The following PHACTR2 variants were observed in gnomAD, a reference collection of about 807,000 sequenced individuals.
PHACTR2 encodes the protein chromosome 6 open reading frame 56.
Under a neutral mutation model 76.0 loss-of-function variants are expected in PHACTR2, and 30 were observed. That is an observed-to-expected ratio of 0.39 (90% CI 0.30 to 0.54). PHACTR2 has a LOEUF of 0.54. Ranked by LOEUF, PHACTR2 falls within the 20% of genes least tolerant of loss-of-function variation. PHACTR2 has a pLI of 0.61. For missense variants in PHACTR2, 696 were observed against 781.1 expected, an observed-to-expected ratio of 0.89 and a Z score of 1.30; for synonymous variants, 292 against 292.5, an observed-to-expected ratio of 1.00 and a Z score of 0.02.
At position 143,777,494 on chromosome 6, in the gene PHACTR2, G is replaced by A. The variant is rs1775310964; in HGVS notation, c.1645+111G>A. The A allele has an allele frequency of 4.2e-6, 2 of 476,950 alleles. No homozygotes were observed. Among genetic ancestry groups the A allele is most frequent in the East Asian group, 3.4e-5 (1 of 29,230 alleles). The allele number at this position is 476,950 out of a possible 1,614,324, so 29.5% of individuals were successfully genotyped here. A position where few individuals can be genotyped will look rare whatever the true frequency, so the allele number is the denominator to read the frequency against. On this transcript the variant is annotated intron_variant, in intron 9 of 12. Transcript: ENST00000440869. The surrounding 1 kb of genome is among the most constrained non-coding windows in gnomAD (Gnocchi z 4.6). ...ATCATATATTCATTTACTCAAGATG[G>A]ACTGAAATAGTCCATTTATGTCACA...
Position 143,571,403 on chromosome 6 carries a change from C to T in PHACTR2, c.217+34196C>T, listed in dbSNP as rs1222064763. Among the ~76,000 whole-genome samples the T allele has an allele frequency of 2.0e-5, 3 of 152,030 alleles. No homozygotes were observed. The highest frequency in any genetic ancestry group is 2.1e-4 in the South Asian group (1 of 4,818). On this transcript the variant is annotated intron_variant, in intron 1 of 11. Coordinates refer to the PHACTR2 transcript ENST00000367584. This position sits in a 1 kb window ranked among gnomAD's most constrained non-coding sequence, Gnocchi z 4.6. ...ATTTCCTTTATCCTATAATCCATTACTATCTACTTTATTTCTTTTTTTAGA... is the reference window on the plus strand; with the variant it reads ...ATTTCCTTTATCCTATAATCCATTATTATCTACTTTATTTCTTTTTTTAGA...
Position 143,696,187 on chromosome 6 carries a change from G to A in PHACTR2, c.47-15829G>A, listed in dbSNP as rs1215677429. Among the ~76,000 whole-genome samples, 3 of 152,050 alleles carry A rather than the reference G, an allele frequency of 2.0e-5. No homozygotes were observed. The highest frequency in any genetic ancestry group is 7.2e-5 in the African/African-American group (3 of 41,388). Reference sequence around the variant, plus strand: ...TTGCTTAGTTTCTTTCCTTAATCCAGGGCATTTCTGCTATAGAGTAGTGGG... The same window carrying A: ...TTGCTTAGTTTCTTTCCTTAATCCAAGGCATTTCTGCTATAGAGTAGTGGG... On this transcript the variant is annotated intron_variant, in intron 1 of 12. Transcript: ENST00000440869. This position sits in a 1 kb window ranked among gnomAD's most constrained non-coding sequence, Gnocchi z 4.1.
rs1297504991 is a variant in PHACTR2 at position 143,819,303 on chromosome 6, G to A, written c.1923-4371G>A. ...CCAAGTCAACAATAAATACACATGAGCATTTCAGATAGTGCTAAGGACTGT... is the reference window on the plus strand; with the variant it reads ...CCAAGTCAACAATAAATACACATGAACATTTCAGATAGTGCTAAGGACTGT... On this transcript the variant is annotated intron_variant, in intron 12 of 12. Coordinates refer to ENST00000440869, the MANE Select transcript of PHACTR2 (RefSeq NM_001100164.2). This position sits in a 1 kb window ranked among gnomAD's most constrained non-coding sequence, Gnocchi z 5.0. Among the ~76,000 whole-genome samples the A allele has an allele frequency of 6.6e-6, 1 of 152,164 alleles. No individual in the cohort carries two copies. The highest frequency in any genetic ancestry group is 6.5e-5 in the Admixed American group (1 of 15,276).
Position 143,772,160 on chromosome 6 carries a change from A to T in PHACTR2, c.1233-98A>T, listed in dbSNP as rs1283415448. ...CAAGTGTCTGCTTTCCTCAGCCTGA[A>T]GGAAGCCCATGAAACTAGAGCTCTT... On this transcript the variant is annotated intron_variant, in intron 6 of 12. Transcript: ENST00000440869. This position sits in a 1 kb window ranked among gnomAD's most constrained non-coding sequence, Gnocchi z 5.4. The T allele has an allele frequency of 5.0e-6, 4 of 806,568 alleles. No individual in the cohort carries two copies. The highest frequency in any genetic ancestry group is 8.6e-6 in the Non-Finnish European group (4 of 462,538). 50.0% of individuals were successfully genotyped at this position (806,568 alleles called of 1,614,324 possible).
chr6:143,741,992 C>T (rs1486259960), intron 2 of PHACTR2, among the ~76,000 whole-genome samples: 2 of 151,872 alleles, frequency 1.3e-5, no homozygotes, highest in African/African-American at 2.4e-5. Flanking sequence ...GTAATCCCAG[C>T]TACTTGGGAG....
At chr6:143,555,210 C>A (rs940721004) in intron 1 of PHACTR2, 1 of 150,444 alleles carries the variant, frequency 6.6e-6, no homozygotes, top group Non-Finnish European at 1.5e-5. Flanking sequence ...TTACGTCGAG[C>A]CTGCCGAGCT....
At chr6:143,732,715 T>C (rs959443014) in intron 2 of PHACTR2, among the ~76,000 whole-genome samples, 1 of 152,210 alleles carries the variant, frequency 6.6e-6, no homozygotes, top group Non-Finnish European at 1.5e-5. Context: ...ACTGCCAAAC[T>C]GTTTTTCAAT....
chr6:143,773,866 A>C (rs1775209786), intron 7 of PHACTR2, among the ~76,000 whole-genome samples, 193 bp from the exon 8 acceptor site: 1 of 152,226 alleles, frequency 6.6e-6, no homozygotes, highest in Non-Finnish European at 1.5e-5. Flanking sequence ...AAAAAGAAAT[A>C]GCGCTTCAGT....
rs886575609 is a variant in PHACTR2 at position 143,625,960 on chromosome 6, C to G, written c.13+17638C>G. ...GAGTTTCTTTCCAGTGACTGGCCATCTAAATGTGACTGGGTTACAAAATTT... is the reference window on the plus strand; with the variant it reads ...GAGTTTCTTTCCAGTGACTGGCCATGTAAATGTGACTGGGTTACAAAATTT... On this transcript the variant is annotated intron_variant, in intron 1 of 11. Transcript: ENST00000305766. This position sits in a 1 kb window ranked among gnomAD's most constrained non-coding sequence, Gnocchi z 4.3. Among the ~76,000 whole-genome samples the G allele has an allele frequency of 1.1e-4, 16 of 152,176 alleles. No homozygotes were observed. The highest frequency in any genetic ancestry group is 3.9e-4 in the African/African-American group (16 of 41,432).
chr6:143,725,178 C>G (rs892738141), intron 2 of PHACTR2, among the ~76,000 whole-genome samples: 2 of 150,414 alleles, frequency 1.3e-5, no homozygotes, highest in African/African-American at 4.9e-5. Context: ...CTGTCACTCC[C>G]CAAATCTCCT....
Position 143,547,857 on chromosome 6 carries a change from G to A in PHACTR2, c.217+10650G>A, listed in dbSNP as rs995043668. On this transcript the variant is annotated intron_variant, in intron 1 of 11. Coordinates refer to the PHACTR2 transcript ENST00000367584. The surrounding 1 kb of genome is among the most constrained non-coding windows in gnomAD (Gnocchi z 4.2). ...GGATTGATCTAACTCTCTCTTGCCC[G>A]CTGTATCTATGTATGTATGTATGTA... 1.3e-5 allele frequency among the ~76,000 whole-genome samples: 2 copies of A among 151,968 alleles called. No individual in the cohort carries two copies. Among genetic ancestry groups the A allele is most frequent in the African/African-American group, 4.8e-5 (2 of 41,324 alleles).
At position 143,557,555 on chromosome 6, in the gene PHACTR2, C is replaced by T. The variant is rs1188801896; in HGVS notation, c.217+20348C>T. On this transcript the variant is annotated intron_variant, in intron 1 of 11. Transcript: ENST00000367584. This position sits in a 1 kb window ranked among gnomAD's most constrained non-coding sequence, Gnocchi z 5.5. Reference sequence around the variant, plus strand: ...CCTTCCTGCTAAGATGGCTCACCCTCACCACACAGGGTCTCGATTTTTCGA... The same window carrying T: ...CCTTCCTGCTAAGATGGCTCACCCTTACCACACAGGGTCTCGATTTTTCGA... 1.3e-5 allele frequency: 2 copies of T among 152,208 alleles called. No individual in the cohort carries two copies. The highest frequency in any genetic ancestry group is 2.9e-5 in the Non-Finnish European group (2 of 68,064). The allele number at this position is 152,208 out of a possible 1,614,324, so 9.4% of individuals were successfully genotyped here.
At chr6:143,799,620 T>C (rs1051675264) in intron 11 of PHACTR2, among the ~76,000 whole-genome samples, 1 of 152,240 alleles carries the variant, frequency 6.6e-6, no homozygotes, top group Non-Finnish European at 1.5e-5. Flanking sequence ...AACATCTTTA[T>C]TTCTGCCTTC....
In PHACTR2 at chr6:143,691,655, C is replaced by G. The variant is rs144063220; in HGVS notation, c.46+13446C>G. On this transcript the variant is annotated intron_variant, in intron 1 of 12. Transcript: ENST00000440869. ...AGGAAAAGACCACAGAATTTCAACT[C>G]GTTGCCTTTTCAAGAAGACCTCTGT... is the stretch of plus-strand genomic sequence containing the variant. Among the ~76,000 whole-genome samples the G allele has an allele frequency of 9.3e-4, 141 of 152,264 alleles. 1 individual carries two copies. The highest frequency in any genetic ancestry group is 2.7e-3 in the African/African-American group (113 of 41,540).
intron 1 of PHACTR2, among the ~76,000 whole-genome samples, chr6:143,668,924 G>C (rs545105995): frequency 1.3e-5 from 2 of 152,144 alleles, no homozygotes; most frequent in African/African-American, 4.8e-5. Flanking sequence ...TTTTGAATTT[G>C]TTTGCTCTTG....
At chr6:143,734,138 C>G (rs140835182) in intron 2 of PHACTR2, among the ~76,000 whole-genome samples, 36 of 151,976 alleles carry the variant, frequency 2.4e-4, no homozygotes, top group African/African-American at 7.2e-4. Flanking sequence ...GTGGTAAAAC[C>G]CATTTATGGG....
intron 11 of PHACTR2, among the ~76,000 whole-genome samples, chr6:143,798,541 T>C (rs960345064): frequency 2.0e-5 from 3 of 152,226 alleles, no homozygotes; most frequent in African/African-American, 7.2e-5. Context: ...GGGTTTGTCA[T>C]AAACAGCTCT....
rs879698679 is a variant in PHACTR2, at chr6:143,695,656, T to C, written c.47-16360T>C. ...TAAACAGAGGGCCCTTTGATAATGA[T>C]TTCTTAGCCAGTCCAGTGGATAACA... On this transcript the variant is annotated intron_variant, in intron 1 of 12. Coordinates refer to ENST00000440869, the MANE Select transcript of PHACTR2 (RefSeq NM_001100164.2). The surrounding 1 kb of genome is among the most constrained non-coding windows in gnomAD (Gnocchi z 4.4). Among the ~76,000 whole-genome samples the C allele has an allele frequency of 6.6e-6, 1 of 152,210 alleles. No homozygotes were observed. Among genetic ancestry groups the C allele is most frequent in the African/African-American group, 2.4e-5 (1 of 41,440 alleles).
chr6:143,575,547 C>A (rs571707165), intron 1 of PHACTR2, among the ~76,000 whole-genome samples: 2 of 152,256 alleles, frequency 1.3e-5, no homozygotes, highest in East Asian at 3.9e-4. Context: ...CTAGATGGTG[C>A]AGTGGTCATA....
Sources: allele counts gnomAD v4.1 joint callset (sites outside exome capture counted in the v4.1 genomes callset), GRCh38; gene constraint gnomAD v4.1.1; non-coding constraint Gnocchi (gnomAD v3.1); transcripts MANE v1.5; gene names NCBI Gene and HGNC (gene_info 2026-07-23, HGNC 2026-07-21).